The following NOL4 variants were observed in gnomAD, a reference collection of about 807,000 sequenced individuals.
NOL4 encodes the protein cancer/testis antigen 125.
Under a neutral mutation model 75.9 loss-of-function variants are expected in NOL4, and 17 were observed. The observed-to-expected ratio is 0.22, with a 90% CI of 0.15 to 0.34. The LOEUF is 0.34. Among genes scored for constraint, NOL4 ranks in the 10% least tolerant of loss-of-function variants. The pLI is 1.00. For synonymous variants in NOL4, 292 were observed against 289.9 expected, an observed-to-expected ratio of 1.01 and a Z score of -0.07; for missense variants, 614 against 793.5, an observed-to-expected ratio of 0.77 and a Z score of 2.72.
At chr18:33,862,553 T>C (rs1431355081) in intron 10 of NOL4, among the ~76,000 whole-genome samples, 4 of 151,826 alleles carry the variant, frequency 2.6e-5, no homozygotes, top group East Asian at 1.9e-4. Flanking sequence ...GAATCTACAA[T>C]GAACTTAAAC....
chr18:34,009,088 T>C (rs1344245735), intron 6 of NOL4, among the ~76,000 whole-genome samples: 1 of 151,064 alleles, frequency 6.6e-6, no homozygotes, highest in African/African-American at 2.4e-5. Context: ...CTAGCTGAGG[T>C]AGTGATCAGG....
In NOL4 at chr18:33,975,560, T is replaced by C. The variant is rs539729705; in HGVS notation, c.1057-17142A>G. ...AGGCCAAGGCGGGCAGATCACGAGGTCAGGAGTTTGAGACCAGACTTGGCC... is the reference window on the plus strand; with the variant it reads ...AGGCCAAGGCGGGCAGATCACGAGGCCAGGAGTTTGAGACCAGACTTGGCC... On this transcript the variant is annotated intron_variant, in intron 6 of 10. Coordinates refer to ENST00000261592, the MANE Select transcript of NOL4 (RefSeq NM_003787.5). Among the ~76,000 whole-genome samples, 4 of 152,108 alleles carry C rather than the reference T, an allele frequency of 2.6e-5. No individual in the cohort carries two copies. The East Asian group carries it at 5.8e-4, about 22-fold the overall frequency.
intron 5 of NOL4, among the ~76,000 whole-genome samples, chr18:34,047,822 G>A (rs905824777): frequency 6.6e-6 from 1 of 152,018 alleles, no homozygotes; most frequent in Admixed American, 6.6e-5. Flanking sequence ...ATCCATCTGA[G>A]GCGATCAACA....
chr18:34,222,883 C>G (rs902202191), intron 1 of NOL4, 107 bp downstream of exon 1: 11 of 1,450,160 alleles, frequency 7.6e-6, no homozygotes, highest in African/African-American at 1.4e-5. Flanking sequence ...AGGGGGCACA[C>G]GAGCCAACGG....
intron 1 of NOL4, among the ~76,000 whole-genome samples, chr18:34,177,296 G>A (rs2146305785): frequency 6.6e-6 from 1 of 152,000 alleles, no homozygotes; most frequent in African/African-American, 2.4e-5. Flanking sequence ...AGAGGCAGGA[G>A]GAATGGATTA....
chr18:34,100,117 G>A (rs748556322), intron 4 of NOL4, among the ~76,000 whole-genome samples: 3 of 148,468 alleles, frequency 2.0e-5, no homozygotes, highest in Non-Finnish European at 3.0e-5. Flanking sequence ...ATTTCCATTC[G>A]CCTACCTCTA....
chr18:34,041,487 C>A (rs1347863985), intron 5 of NOL4, among the ~76,000 whole-genome samples: 1 of 149,668 alleles, frequency 6.7e-6, no homozygotes, highest in Non-Finnish European at 1.5e-5. Context: ...AAATAGTTAT[C>A]CATGGGGACC....
intron 1 of NOL4, among the ~76,000 whole-genome samples, chr18:34,140,627 G>T (rs1056764892): frequency 2.0e-5 from 3 of 152,022 alleles, no homozygotes; most frequent in Non-Finnish European, 2.9e-5. Context: ...TCTTGACTCT[G>T]TATCCAATTT....
intron 9 of NOL4, among the ~76,000 whole-genome samples, chr18:33,915,561 A>G (rs1599855065): frequency 6.6e-6 from 1 of 152,068 alleles, no homozygotes; most frequent in Admixed American, 6.6e-5. Context: ...GATGCAGTAA[A>G]TAAGGAGACG....
rs1333196318 is a variant in NOL4 at position 34,024,188 on chromosome 18, A to AT, written c.773-4588_773-4587insA. On this transcript the variant is annotated intron_variant, in intron 5 of 10. Coordinates refer to ENST00000261592, the MANE Select transcript of NOL4 (RefSeq NM_003787.5). ...CTTAGGCAAAATAAACAGGAAAAAA[A>AT]AAAAAAATATATATATATATATATA... Among the ~76,000 whole-genome samples the AT allele has an allele frequency of 1.0e-3, 67 of 64,550 alleles. 1 individual carries two copies. The highest frequency in any genetic ancestry group is 6.8e-3 in the Middle Eastern group (1 of 148). The allele number at this position is 64,550 out of a possible 152,430, so 42.3% of individuals were successfully genotyped here.
intron 6 of NOL4, among the ~76,000 whole-genome samples, chr18:34,005,040 C>T (rs572020868): frequency 2.0e-4 from 30 of 152,066 alleles, no homozygotes; most frequent in African/African-American, 6.0e-4. Flanking sequence ...GTTGAGATAC[C>T]GTGTTAAAAT....
chr18:33,915,711 C>T (rs148678092), intron 9 of NOL4, among the ~76,000 whole-genome samples: 22 of 151,994 alleles, frequency 1.4e-4, no homozygotes, highest in African/African-American at 4.6e-4. Context: ...CATGAAATAG[C>T]GTAGAATATA....
In NOL4 at chr18:33,858,907, T is replaced by C. The variant is rs1478528514; in HGVS notation, c.1724-5872A>G. ...GAATTAATATTGGCCAATTATGCTT[T>C]TGTAAAACATGGTCTAATATCTCTA... On this transcript the variant is annotated intron_variant, in intron 10 of 10. Transcript: ENST00000261592. 2.0e-5 allele frequency among the ~76,000 whole-genome samples: 3 copies of C among 152,092 alleles called. No homozygotes were observed. In the East Asian group the frequency reaches 5.8e-4, roughly 29 times the overall value.
At chr18:34,049,285 A>C (rs1169557025) in intron 5 of NOL4, among the ~76,000 whole-genome samples, 1 of 151,920 alleles carries the variant, frequency 6.6e-6, no homozygotes, top group African/African-American at 2.4e-5. Context: ...TATAACCGGA[A>C]TTTAAGTGCC....
At chr18:34,043,447 G>A (rs1179768993) in intron 5 of NOL4, among the ~76,000 whole-genome samples, 1 of 151,856 alleles carries the variant, frequency 6.6e-6, no homozygotes, top group Non-Finnish European at 1.5e-5. Context: ...AGAGATCAAA[G>A]TTATACATAG....
intron 1 of NOL4, among the ~76,000 whole-genome samples, chr18:34,175,570 A>T (rs192356721): frequency 6.6e-6 from 1 of 152,250 alleles, no homozygotes; most frequent in Non-Finnish European, 1.5e-5. Flanking sequence ...CCTCTGACTG[A>T]ACTTAAGGCA....
At chr18:33,993,296 A>G (rs1600179680) in intron 6 of NOL4, among the ~76,000 whole-genome samples, 1 of 152,096 alleles carries the variant, frequency 6.6e-6, no homozygotes, top group African/African-American at 2.4e-5. Context: ...AGAAATAAAT[A>G]GTCTAAGAGA....
chr18:34,201,875 T>A (rs1323592374), intron 1 of NOL4, among the ~76,000 whole-genome samples: 2 of 151,862 alleles, frequency 1.3e-5, no homozygotes, highest in East Asian at 3.8e-4. Context: ...CAATATTCTG[T>A]TACTAATGGT....
rs1165955452 is a variant in NOL4 at position 34,008,015 on chromosome 18, A to AT, written c.1056+11302dup. 3.3e-5 allele frequency among the ~76,000 whole-genome samples: 5 copies of AT among 151,992 alleles called. No homozygotes were observed. The East Asian group carries it at 9.7e-4, about 30-fold the overall frequency. On this transcript the variant is annotated intron_variant, in intron 6 of 10. Coordinates refer to ENST00000261592, the MANE Select transcript of NOL4 (RefSeq NM_003787.5). The stretch of plus-strand genomic sequence containing the variant: ...GTTTCTGGAAGAGATTAGCATTTGA[A>AT]TTGGTAAACTGGTCAAAGAAGAATA...
Sources: allele counts gnomAD v4.1 joint callset (sites outside exome capture counted in the v4.1 genomes callset), GRCh38; gene constraint gnomAD v4.1.1; transcripts MANE v1.5; gene names NCBI Gene and HGNC (gene_info 2026-07-23, HGNC 2026-07-21).